DLG5: variants seen among roughly 807,000 people sequenced by gnomAD.
DLG5 encodes disks large homolog 5.
DLG5 carries 48 observed loss-of-function variants against 189.8 expected under a neutral mutation model. The observed-to-expected ratio is 0.25, with a 90% CI of 0.20 to 0.32. DLG5 has a LOEUF of 0.32. Among genes scored for constraint, DLG5 ranks in the 10% least tolerant of loss-of-function variants. The pLI is 1.00. For synonymous variants in DLG5, 1,016 were observed against 1,054.1 expected (o/e 0.96, Z 0.70); for missense variants, 2,160 against 2,544.7 (o/e 0.85, Z 3.25).
the DLG5 span, among the ~76,000 whole-genome samples, chr10:77,933,085 CTT>C: frequency 5.3e-5 from 8 of 149,626 alleles, no homozygotes; most frequent in African/African-American, 2.0e-4. Flanking sequence ...AGCATTAACT[CTT>C]TGACTCTGAG....
In DLG5 at chr10:77,835,805, C is replaced by T. The variant is rs369707440; in HGVS notation, c.1555G>A (p.Ala519Thr). Residue 519 changes from alanine (A) to threonine (T), a missense_variant, in exon 8 of 32, where the codon GCC becomes ACC. Physicochemically the swap from Ala to Thr is moderately conservative, Grantham distance 58. Around this residue, in one of 5 missense-constraint regions of DLG5, gnomAD observed 664 missense variants for 838.5 expected, o/e 0.79. Coordinates refer to ENST00000372391, the MANE Select transcript of DLG5 (RefSeq NM_004747.4). Reference protein sequence around the residue: ...LKEALQEADVAKCRRDWAFQE... With the variant: ...LKEALQEADVTKCRRDWAFQE... ...AAGGCCCAGTCCCGCCGGCACTTGG[C>T]CACATCCGCCTCCTGGAGGGCTTCC... 3.1e-6 allele frequency: 5 copies of T among 1,613,950 alleles called. No individual in the cohort carries two copies. The highest frequency in any genetic ancestry group is 4.2e-6 in the Non-Finnish European group (5 of 1,180,010).
intron 1 of DLG5, among the ~76,000 whole-genome samples, chr10:77,894,213 TGGA>T (rs1845693559): frequency 6.6e-6 from 1 of 152,188 alleles, no homozygotes; most frequent in East Asian, 1.9e-4. Context: ...GTGTGAGCTC[TGGA>T]GCCCAACTGC....
chr10:77,792,316 G>A lies in DLG5; in HGVS notation c.*124C>T, dbSNP rs1840676943. ...TACAAAGGAGGTGCTTCTGGGTCCT[G>A]GTTCCGGATCCTTCCCCCGCATGTT... On this transcript the variant is annotated 3_prime_UTR_variant, in exon 32 of 32. Coordinates refer to ENST00000372391, the MANE Select transcript of DLG5 (RefSeq NM_004747.4). The A allele has an allele frequency of 3.0e-6, 3 of 985,756 alleles. No individual in the cohort carries two copies. The highest frequency in any genetic ancestry group is 4.7e-6 in the Non-Finnish European group (3 of 636,014). The allele number at this position is 985,756 out of a possible 1,614,324, so 61.1% of individuals were successfully genotyped here. A position where few individuals can be genotyped will look rare whatever the true frequency, so the allele number is the denominator to read the frequency against.
At chr10:77,920,790 G>A (rs556903293) in intron 1 of DLG5, among the ~76,000 whole-genome samples, 7 of 152,260 alleles carry the variant, frequency 4.6e-5, no homozygotes, top group South Asian at 2.1e-4. Context: ...GTTCAGACCC[G>A]TGGGAAAAGC....
chr10:77,912,288 T>C (rs1335486690), intron 1 of DLG5: 1 of 151,956 alleles, frequency 6.6e-6, no homozygotes, highest in Non-Finnish European at 1.5e-5. Context: ...AGGGTCTCAC[T>C]ATGTTGCCCA....
intron 3 of DLG5, 84 bp downstream of exon 3, chr10:77,856,646 G>A: frequency 4.6e-6 from 7 of 1,538,330 alleles, no homozygotes; most frequent in South Asian, 2.4e-5. Flanking sequence ...CCAGGAGCCA[G>A]GGGTGTTTGG....
At chr10:77,816,323 C>A in intron 20 of DLG5, 1 of 711,088 alleles carries the variant, frequency 1.4e-6, no homozygotes. Context: ...TCATTTCCAG[C>A]ATCATCTACT....
Position 77,792,567 on chromosome 10 carries a change from G to A in DLG5, c.5657-24C>T, listed in dbSNP as rs371607023. 20 of 1,609,552 alleles carry A rather than the reference G, an allele frequency of 1.2e-5. No individual in the cohort carries two copies. In the African/African-American group the frequency reaches 1.6e-4, roughly 13 times the overall value. On this transcript the variant is annotated intron_variant, in intron 31 of 31. Coordinates refer to ENST00000372391, the MANE Select transcript of DLG5 (RefSeq NM_004747.4). ...CCCTGCAAAAGAGCCCCCCAGACAC[G>A]TCATTCAGCTCAGAGTAAGACCCCA...
chr10:77,819,615 G>T, intron 16 of DLG5, 150 bp from the exon 17 acceptor site: 1 of 1,161,620 alleles, frequency 8.6e-7, no homozygotes, highest in Non-Finnish European at 1.2e-6. Flanking sequence ...TCACAATGTG[G>T]CTGTGGCTCC....
At chr10:77,926,785 G>A, upstream of DLG5, 1 of 168,598 alleles carries the variant, frequency 5.9e-6, no homozygotes. This position sits in a 1 kb window ranked among gnomAD's most constrained non-coding sequence, Gnocchi z 5.2. Flanking sequence ...CGGAGGAGGA[G>A]AAGGAGGAGG....
chr10:77,835,567 A>C (rs1589184797), intron 8 of DLG5, among the ~76,000 whole-genome samples, 171 bp downstream of exon 8: 1 of 152,290 alleles, frequency 6.6e-6, no homozygotes, highest in African/African-American at 2.4e-5. Flanking sequence ...GAAAATTCTA[A>C]AACTAAGAGG....
the DLG5 span, among the ~76,000 whole-genome samples, chr10:77,935,251 C>A: frequency 6.6e-6 from 1 of 152,026 alleles, no homozygotes; most frequent in South Asian, 2.1e-4. Flanking sequence ...TCTGTGGGAG[C>A]AGAAGAGACA....
intron 13 of DLG5, among the ~76,000 whole-genome samples, chr10:77,827,516 G>A (rs1427552246): frequency 2.6e-5 from 4 of 152,148 alleles, no homozygotes; most frequent in South Asian, 2.1e-4. Context: ...GTGAGCCACC[G>A]TGCCCCGCTG....
chr10:77,934,842 C>CTTTTT, the DLG5 span, among the ~76,000 whole-genome samples: 3 of 145,028 alleles, frequency 2.1e-5, no homozygotes, highest in African/African-American at 8.1e-5. Context: ...GGGTGCTGTT[C>CTTTTT]TTTTTTTTTG....
intron 1 of DLG5, among the ~76,000 whole-genome samples, chr10:77,905,977 C>T (rs1455760610): frequency 1.3e-5 from 2 of 152,212 alleles, no homozygotes; most frequent in East Asian, 1.9e-4. Context: ...CTGCCTGCCA[C>T]GTGTGCTTCT....
intron 27 of DLG5, among the ~76,000 whole-genome samples, chr10:77,803,151 C>T (rs74140347): frequency 6.6e-6 from 1 of 152,216 alleles, no homozygotes; most frequent in Admixed American, 6.5e-5. Context: ...AAACAAAACA[C>T]ATGATTCATT....
chr10:77,909,525 G>A (rs999078700), intron 1 of DLG5, among the ~76,000 whole-genome samples: 6 of 152,058 alleles, frequency 3.9e-5, no homozygotes, highest in Non-Finnish European at 5.9e-5. Flanking sequence ...GAGGGTGGCT[G>A]AGGACAAAAG....
chr10:77,846,956 G>C (rs1843725670), intron 5 of DLG5, among the ~76,000 whole-genome samples: 1 of 152,096 alleles, frequency 6.6e-6, no homozygotes, highest in Non-Finnish European at 1.5e-5. Flanking sequence ...GTAGCCCGCA[G>C]AGCCCACCTC....
At position 77,841,886 on chromosome 10, in the gene DLG5, G is replaced by A. The variant is rs377655437; in HGVS notation, c.1432C>T (p.Arg478Trp). The A allele has an allele frequency of 2.9e-5, 47 of 1,605,844 alleles. No individual in the cohort carries two copies. The highest frequency in any genetic ancestry group is 3.6e-5 in the Non-Finnish European group (42 of 1,174,168). ...KAANEEMEAL[R>W]QIKDTVTMDA... ...CCACCGGCCCACCCACCTACCTGCC[G>A]CAGCGCCTCCATCTCCTCATTGGCC... Residue 478 changes from arginine (R) to tryptophan (W), a missense_variant, in exon 7 of 32, where the codon CGG (arginine) becomes TGG (tryptophan). Transcript: ENST00000372391.
Sources: allele counts gnomAD v4.1 joint callset (sites outside exome capture counted in the v4.1 genomes callset), GRCh38; gene constraint gnomAD v4.1.1; regional missense constraint gnomAD v4.1.1; non-coding constraint Gnocchi (gnomAD v3.1); transcripts MANE v1.5; gene names NCBI Gene and HGNC (gene_info 2026-07-23, HGNC 2026-07-21).